Variants in CDH13 observed in about 807,000 individuals in gnomAD.
CDH13 encodes the protein cadherin-13.
A neutral mutation model predicts 63.8 loss-of-function variants in CDH13; 24 were observed. That is an observed-to-expected ratio of 0.38 (90% CI 0.27 to 0.53). The LOEUF is 0.53. CDH13 is among the 20% of genes least tolerant of loss of function. The pLI, the probability that CDH13 is intolerant of heterozygous loss-of-function variation, is 0.85. For synonymous variants in CDH13, 503 were observed against 355.3 expected (o/e 1.42, Z -4.67); for missense variants, 1,049 against 903.1 (o/e 1.16, Z -2.07).
chr16:83,784,380 C>A (rs1169544227), intron 13 of CDH13, among the ~76,000 whole-genome samples: 3 of 152,012 alleles, frequency 2.0e-5, no homozygotes, highest in African/African-American at 7.3e-5. Context: ...ACCTATAATC[C>A]CACCACTTTG....
chr16:83,235,582 G>GTT (rs58891041), intron 5 of CDH13, among the ~76,000 whole-genome samples: 99,956 of 140,138 alleles, frequency 0.71, 37,910 homozygotes, highest in Non-Finnish European at 0.86. Flanking sequence ...ATGTGGTGGT[G>GTT]TTTTTTTTTT....
At chr16:83,421,158 A>G (rs1024433601) in intron 6 of CDH13, among the ~76,000 whole-genome samples, 1 of 151,892 alleles carries the variant, frequency 6.6e-6, no homozygotes, top group African/African-American at 2.4e-5. Flanking sequence ...CCAGTACTGG[A>G]GGAGAAAGTG....
At chr16:83,447,744 A>G (rs1031966930) in intron 6 of CDH13, among the ~76,000 whole-genome samples, 13 of 148,904 alleles carry the variant, frequency 8.7e-5, no homozygotes, top group African/African-American at 2.9e-4. Context: ...ATTAAATTAT[A>G]TTTTATATTA....
intron 2 of CDH13, among the ~76,000 whole-genome samples, chr16:83,004,548 A>G (rs1913279643): frequency 6.6e-6 from 1 of 152,042 alleles, no homozygotes. Flanking sequence ...TCTGTCACCC[A>G]GGCTGGAGTG....
At chr16:82,692,598 C>T (rs1915750984) in intron 1 of CDH13, among the ~76,000 whole-genome samples, 1 of 152,186 alleles carries the variant, frequency 6.6e-6, no homozygotes, top group African/African-American at 2.4e-5. Context: ...ATGGGAGCTA[C>T]AATTCAAGAT....
At chr16:83,569,182 C>T (rs898817526) in intron 7 of CDH13, among the ~76,000 whole-genome samples, 1 of 152,156 alleles carries the variant, frequency 6.6e-6, no homozygotes, top group Non-Finnish European at 1.5e-5. Flanking sequence ...CCAGCCTTTG[C>T]ACTCTTTCCT....
chr16:82,840,414 G>A (rs1174892454), intron 1 of CDH13, among the ~76,000 whole-genome samples: 1 of 151,532 alleles, frequency 6.6e-6, no homozygotes, highest in Non-Finnish European at 1.5e-5. Flanking sequence ...CGGGTGCAGT[G>A]GCTCACACCT....
intron 1 of CDH13, among the ~76,000 whole-genome samples, chr16:82,746,699 T>C (rs936384232): frequency 6.6e-6 from 1 of 152,166 alleles, no homozygotes; most frequent in Non-Finnish European, 1.5e-5. Flanking sequence ...ACAATTTCAT[T>C]TTCCTAAGAC....
intron 7 of CDH13, among the ~76,000 whole-genome samples, chr16:83,498,657 A>G (rs532853261): frequency 1.3e-5 from 2 of 152,316 alleles, no homozygotes; most frequent in South Asian, 2.1e-4. Context: ...TTAAACCCCT[A>G]TCAGCCCATC....
intron 6 of CDH13, among the ~76,000 whole-genome samples, chr16:83,409,021 T>C (rs1192607365): frequency 6.6e-6 from 1 of 152,090 alleles, no homozygotes; most frequent in Non-Finnish European, 1.5e-5. Context: ...GGGTGGTTTA[T>C]TGTTGGTTTC....
At chr16:82,674,953 GTCAA>G (rs1443319471) in intron 1 of CDH13, among the ~76,000 whole-genome samples, 1 of 152,164 alleles carries the variant, frequency 6.6e-6, no homozygotes, top group African/African-American at 2.4e-5. Context: ...GCTATAATCT[GTCAA>G]TCAGGTGTCA....
At chr16:83,563,184 A>G (rs1176936855) in intron 7 of CDH13, among the ~76,000 whole-genome samples, 1 of 152,248 alleles carries the variant, frequency 6.6e-6, no homozygotes, top group African/African-American at 2.4e-5. Flanking sequence ...AATGGCATCT[A>G]CCAGCTGCTT....
At chr16:83,727,260 A>G (rs1264222368) in intron 10 of CDH13, among the ~76,000 whole-genome samples, 1 of 145,652 alleles carries the variant, frequency 6.9e-6, no homozygotes, top group Non-Finnish European at 1.5e-5. Context: ...TTTCATCGGA[A>G]TGAAATCAGC....
rs1488156999 is a variant in CDH13 at position 82,700,970 on chromosome 16, C to CAA, written c.45+73833_45+73834insAA. 6.8e-5 allele frequency among the ~76,000 whole-genome samples: 3 copies of CAA among 44,038 alleles called. 1 individual carries two copies. The highest frequency in any genetic ancestry group is 1.3e-4 in the Non-Finnish European group (2 of 15,606). 28.9% of individuals were successfully genotyped at this position (44,038 alleles called of 152,430 possible). ...GCTGGAACCCGCCCCCCCCCCCCCC[C>CAA]CCCCGCCCCGGGCATCTCCAAACTG... is the stretch of plus-strand genomic sequence containing the variant. On this transcript the variant is annotated intron_variant, in intron 1 of 13. Coordinates refer to ENST00000567109, the MANE Select transcript of CDH13 (RefSeq NM_001257.5).
intron 5 of CDH13, among the ~76,000 whole-genome samples, chr16:83,330,871 C>A (rs138209193): frequency 6.6e-6 from 1 of 152,194 alleles, no homozygotes; most frequent in South Asian, 2.1e-4. Context: ...ATGCAAAAGA[C>A]GCTTCTTAGA....
At chr16:82,749,589 G>C (rs548852510) in intron 1 of CDH13, among the ~76,000 whole-genome samples, 1 of 152,346 alleles carries the variant, frequency 6.6e-6, no homozygotes, top group South Asian at 2.1e-4. Flanking sequence ...CAGAGTGAGA[G>C]AGCTGGGACT....
intron 8 of CDH13, among the ~76,000 whole-genome samples, chr16:83,661,377 G>A (rs1396593254): frequency 6.6e-6 from 1 of 151,906 alleles, no homozygotes; most frequent in African/African-American, 2.4e-5. Context: ...CAGCTACTAG[G>A]GATGCTGAGG....
At chr16:83,664,105 C>G (rs990252640) in intron 8 of CDH13, among the ~76,000 whole-genome samples, 1 of 151,816 alleles carries the variant, frequency 6.6e-6, no homozygotes, top group Non-Finnish European at 1.5e-5. Context: ...TGCAGTGAGC[C>G]GTGATCATAA....
chr16:82,952,953 G>A (rs1597282389), intron 2 of CDH13, among the ~76,000 whole-genome samples: 1 of 152,226 alleles, frequency 6.6e-6, no homozygotes, highest in African/African-American at 2.4e-5. Flanking sequence ...ATAGAAGGGA[G>A]AGTAAATTCA....
Sources: allele counts gnomAD v4.1 joint callset (sites outside exome capture counted in the v4.1 genomes callset), GRCh38; gene constraint gnomAD v4.1.1; transcripts MANE v1.5; gene names NCBI Gene and HGNC (gene_info 2026-07-23, HGNC 2026-07-21).